URB1: variants seen among roughly 807,000 people sequenced by gnomAD.
URB1 encodes nucleolar pre-ribosomal-associated protein 1.
Under a neutral mutation model 242.3 loss-of-function variants are expected in URB1, and 197 were observed. That is an observed-to-expected ratio of 0.81 (90% CI 0.72 to 0.91). The LOEUF (loss-of-function observed/expected upper bound fraction) is 0.91, where lower values mean the gene tolerates loss of function less well. Ranked by LOEUF, URB1 falls within the 40% of genes least tolerant of loss-of-function variation. The probability of loss-of-function intolerance (pLI) is 0.00; values close to 1 mark genes in which losing one functional copy is unlikely to be tolerated. For synonymous variants in URB1, 1,153 were observed against 1,201.8 expected (o/e 0.96, Z 0.84); for missense variants, 2,721 against 2,860.5 (o/e 0.95, Z 1.11).
At chr21:32,353,788 T>G (rs2033185827) in intron 18 of URB1, 145 bp downstream of exon 18, 9 of 967,404 alleles carry the variant, frequency 9.3e-6, no homozygotes, top group Non-Finnish European at 1.3e-5. Context: ...CTCTGCTGGC[T>G]GGGTAGCTAT....
rs187046483 is a variant in URB1 at position 32,339,259 on chromosome 21, G to T, written c.4317-359C>A. Among the ~76,000 whole-genome samples, 8 of 152,314 alleles carry T rather than the reference G, an allele frequency of 5.3e-5. 1 individual carries two copies. Among genetic ancestry groups the T allele is most frequent in the Admixed American group, 6.5e-5 (1 of 15,310 alleles). On this transcript the variant is annotated intron_variant, in intron 25 of 38. Transcript: ENST00000382751. Reference sequence around the variant, plus strand: ...GCTGCCCACCTCGGCCTCCCAAAGTGCAGGGATTACAGGCATGAGCCACTG... The same window carrying T: ...GCTGCCCACCTCGGCCTCCCAAAGTTCAGGGATTACAGGCATGAGCCACTG...
chr21:32,381,381 C>T (rs1249155116), intron 4 of URB1, among the ~76,000 whole-genome samples: 3 of 150,752 alleles, frequency 2.0e-5, no homozygotes, highest in Admixed American at 6.6e-5. Flanking sequence ...CCTCCTTCTT[C>T]ATGACGCTTT....
Position 32,384,468 on chromosome 21 carries a change from C to T in URB1, c.283-4G>A. 1 of 1,549,944 alleles carries T rather than the reference C, an allele frequency of 6.5e-7. No individual in the cohort carries two copies. The highest frequency in any genetic ancestry group is 8.7e-7 in the Non-Finnish European group (1 of 1,145,478). On this transcript the variant is annotated splice_polypyrimidine_tract_variant and splice_region_variant and intron_variant, in intron 2 of 38. Coordinates refer to ENST00000382751, the MANE Select transcript of URB1 (RefSeq NM_014825.3). ...AAACTTGAAATATTAACATCGTCTGCAAAGACAGAATTGAAACGCTTAGAA... is the reference window on the plus strand; with the variant it reads ...AAACTTGAAATATTAACATCGTCTGTAAAGACAGAATTGAAACGCTTAGAA...
chr21:32,341,396 A>G, intron 25 of URB1, 70 bp downstream of exon 25: 1 of 1,450,388 alleles, frequency 6.9e-7, no homozygotes, highest in Non-Finnish European at 9.5e-7. Context: ...CAAGCTATAA[A>G]AGAGGCTTTG....
At chr21:32,384,987 G>GAAAGA (rs746904954) in intron 2 of URB1, among the ~76,000 whole-genome samples, 75 of 147,420 alleles carry the variant, frequency 5.1e-4, no homozygotes, top group East Asian at 1.8e-3. Context: ...TCTCAAAAAT[G>GAAAGA]AAAGAAAAGA....
intron 9 of URB1, among the ~76,000 whole-genome samples, chr21:32,367,437 C>T (rs1318657700): frequency 2.0e-5 from 3 of 152,114 alleles, no homozygotes; most frequent in Non-Finnish European, 2.9e-5. Context: ...GGAGACTGTG[C>T]GCATAGGCAC....
chr21:32,392,586 G>A (rs1034632485), intron 1 of URB1, among the ~76,000 whole-genome samples, 183 bp downstream of exon 1: 7 of 152,248 alleles, frequency 4.6e-5, no homozygotes, highest in Admixed American at 4.6e-4. Flanking sequence ...CCCTCTCGCT[G>A]TCGCCGACAG....
Position 32,355,534 on chromosome 21 carries a change from G to A in URB1, c.2021C>T (p.Thr674Ile). 1.3e-6 allele frequency: 2 copies of A among 1,551,714 alleles called. No individual in the cohort carries two copies. The highest frequency in any genetic ancestry group is 1.7e-6 in the Non-Finnish European group (2 of 1,147,000). Residue 674 changes from threonine to isoleucine, a missense_variant, in exon 16 of 39, where the codon ACC becomes ATC. By Grantham distance (89) the Thr-to-Ile change is moderately conservative. Transcript: ENST00000382751. Reference protein sequence around the residue: ...ILRDTGVFEHTWKELELWLEH... With the variant: ...ILRDTGVFEHIWKELELWLEH... ...CAGCCAGAGCTCCAGCTCCTTCCAG[G>A]TGTGCTCAAACACCCCCGTGTCCCG...
chr21:32,318,069 C>A (rs968936489), intron 36 of URB1, among the ~76,000 whole-genome samples, 152 bp from the exon 37 acceptor site: 1 of 152,086 alleles, frequency 6.6e-6, no homozygotes. Context: ...CTAGCATGGG[C>A]CCCCAGGACG....
At position 32,347,642 on chromosome 21, in the gene URB1, G is replaced by C. The variant is rs568972252; in HGVS notation, c.3182C>G (p.Pro1061Arg). The C allele has an allele frequency of 3.2e-6, 5 of 1,551,648 alleles. No individual in the cohort carries two copies. The highest frequency in any genetic ancestry group is 3.5e-6 in the Non-Finnish European group (4 of 1,147,002). The change falls in exon 22 of 39, where the codon CCG becomes CGG. Residue 1061 changes from proline (P) to arginine (R), a missense_variant. Physicochemically the swap from Pro to Arg is moderately radical, Grantham distance 103. Transcript: ENST00000382751. ...GVLQLLAASA[P>R]ILQNIGQLGL... ...CAGCTGCCCAATGTTCTGGAGGATCGGGGCACTTGCTGCCAGCAGCTGAAG... is the reference window on the plus strand; with the variant it reads ...CAGCTGCCCAATGTTCTGGAGGATCCGGGCACTTGCTGCCAGCAGCTGAAG...
Position 32,341,492 on chromosome 21 carries a change from C to A in URB1, c.4290G>T (p.Trp1430Cys). The change falls in exon 25 of 39, where the codon TGG becomes TGT. Residue 1430 changes from tryptophan (W) to cysteine (C), a missense_variant. Physicochemically the swap from Trp to Cys is radical, Grantham distance 215 (BLOSUM62 -2). Transcript: ENST00000382751. ...HALNEVDPGD[W>C]QKFVKKGLKF... is the part of the protein sequence containing the mutation. ...TGAGTCCCTTCTTCACGAATTTCTG[C>A]CAGTCACCAGGATCAACTTCATTAA... 6.4e-7 allele frequency: 1 copy of A among 1,551,520 alleles called. No homozygotes were observed. The highest frequency in any genetic ancestry group is 1.2e-5 in the South Asian group (1 of 84,052).
At chr21:32,364,228 T>C (rs539285744) in intron 10 of URB1, among the ~76,000 whole-genome samples, 13 of 151,978 alleles carry the variant, frequency 8.6e-5, no homozygotes, top group Non-Finnish European at 1.8e-4. Flanking sequence ...CTACCAACAG[T>C]AGGAAAACAG....
intron 36 of URB1, 26 bp downstream of exon 36, chr21:32,319,191 G>T (rs76217218): frequency 6.5e-7 from 1 of 1,531,732 alleles, no homozygotes; most frequent in Non-Finnish European, 8.8e-7. Context: ...GGCCAGAAGG[G>T]CCCCCCTGGC....
At chr21:32,379,064 T>C (rs1347829235) in intron 4 of URB1, among the ~76,000 whole-genome samples, 1 of 152,250 alleles carries the variant, frequency 6.6e-6, no homozygotes, top group Non-Finnish European at 1.5e-5. Flanking sequence ...ACAGATGCTG[T>C]CACGTTACTA....
intron 2 of URB1, 147 bp from the exon 3 acceptor site, chr21:32,384,611 G>T: frequency 9.5e-7 from 1 of 1,053,446 alleles, no homozygotes; most frequent in Non-Finnish European, 1.3e-6. Context: ...TGAGTCAAAC[G>T]CGACAGCTTG....
intron 30 of URB1, 102 bp from the exon 31 acceptor site, chr21:32,325,491 A>C (rs2032819801): frequency 7.1e-7 from 1 of 1,398,772 alleles, no homozygotes; most frequent in Non-Finnish European, 9.6e-7. Flanking sequence ...CAATAGCTAC[A>C]TGTGCCAAGC....
chr21:32,366,130 A>G (rs2033343475), intron 10 of URB1, among the ~76,000 whole-genome samples: 1 of 152,204 alleles, frequency 6.6e-6, no homozygotes, highest in Admixed American at 6.5e-5. Context: ...CATGTCCTCC[A>G]AAAATGCCTG....
chr21:32,366,568 C>T (rs1349413722), intron 10 of URB1, 50 bp downstream of exon 10: 8 of 1,546,646 alleles, frequency 5.2e-6, no homozygotes, highest in East Asian at 2.4e-5. Context: ...ATGTAGCCAG[C>T]GAGTTTAGCT....
At chr21:32,387,307 T>C (rs2033593806) in intron 1 of URB1, among the ~76,000 whole-genome samples, 1 of 152,070 alleles carries the variant, frequency 6.6e-6, no homozygotes. Flanking sequence ...TTTCAGAGAA[T>C]CACTTGAACC....
Sources: gnomAD v4.1 joint callset for allele counts (sites outside exome capture counted in the v4.1 genomes callset) on GRCh38, gnomAD v4.1.1 for gene constraint, MANE v1.5 for transcripts, NCBI Gene and HGNC (gene_info 2026-07-23, HGNC 2026-07-21) for gene names.